SCN3A: variants seen among roughly 807,000 people sequenced by gnomAD.
SCN3A encodes the protein sodium channel protein type 3 subunit alpha.
SCN3A carries 60 observed loss-of-function variants against 187.6 expected under a neutral mutation model. That is an observed-to-expected ratio of 0.32 (90% CI 0.26 to 0.40). The LOEUF (loss-of-function observed/expected upper bound fraction) is 0.40, where lower values mean the gene tolerates loss of function less well. Ranked by LOEUF, SCN3A falls within the 10% of genes least tolerant of loss-of-function variation. The pLI is 1.00. For missense variants in SCN3A, 1,601 were observed against 2,428.2 expected, an observed-to-expected ratio of 0.66 and a Z score of 7.16; for synonymous variants, 788 against 829.2, an observed-to-expected ratio of 0.95 and a Z score of 0.85.
At chr2:165,164,849 T>C (rs1480982040) in intron 5 of SCN3A, among the ~76,000 whole-genome samples, 3 of 152,188 alleles carry the variant, frequency 2.0e-5, no homozygotes, top group Admixed American at 6.5e-5. Flanking sequence ...AAGCCACAAA[T>C]GTAATTTTCA....
chr2:165,114,871 C>G (rs774458585), intron 19 of SCN3A, among the ~76,000 whole-genome samples: 1 of 152,100 alleles, frequency 6.6e-6, no homozygotes, highest in Non-Finnish European at 1.5e-5. Context: ...GGGTCAGCTT[C>G]CTCACATTAT....
intron 5 of SCN3A, among the ~76,000 whole-genome samples, chr2:165,167,644 A>C (rs16850188): frequency 0.23 from 34,350 of 152,010 alleles, 5,077 homozygotes; most frequent in East Asian, 0.52. Context: ...TCTTTGATGC[A>C]AATAACCTCA....
Position 165,096,474 on chromosome 2 carries a change from G to T in SCN3A, c.4286C>A (p.Ser1429Ter). Reference sequence around the variant, plus strand: ...TATTTGAGTGATACTTACATCTCGTGAATCAACAGCTGCATACATAATATC... The same window carrying T: ...TATTTGAGTGATACTTACATCTCGTTAATCAACAGCTGCATACATAATATC... Reference protein sequence around the residue: ...WMDIMYAAVDSRDVKLQPVYE... With the variant: ...WMDIMYAAVD The change falls in exon 24 of 28, where the codon TCA becomes TAA. Residue 1429 changes from serine (S) to a stop codon, truncating the protein, a stop_gained. Coordinates refer to ENST00000283254, the MANE Select transcript of SCN3A (RefSeq NM_006922.4). LOFTEE classifies it high-confidence loss of function. 1 of 1,609,744 alleles carries T rather than the reference G, an allele frequency of 6.2e-7. No individual in the cohort carries two copies. Among genetic ancestry groups the T allele is most frequent in the South Asian group, 1.1e-5 (1 of 90,912 alleles).
At chr2:165,158,231 A>T (rs1435060086) in intron 9 of SCN3A, among the ~76,000 whole-genome samples, 1 of 140,298 alleles carries the variant, frequency 7.1e-6, no homozygotes, top group Non-Finnish European at 1.5e-5. Flanking sequence ...CAACTTTATC[A>T]ACTAGGGTAT....
chr2:165,185,953 T>C (rs1417667372), intron 2 of SCN3A, among the ~76,000 whole-genome samples: 1 of 152,030 alleles, frequency 6.6e-6, no homozygotes, highest in East Asian at 1.9e-4. Flanking sequence ...ACAGGATGAA[T>C]GTCTCTCTTA....
At position 165,155,962 on chromosome 2, in the gene SCN3A, T is replaced by A. The variant is rs1377782254; in HGVS notation, c.1032-59A>T. ...TAGAAATTACAGCAATTTCAATTTA[T>A]TTGACTTATAGGAATTTTCAAAACC... On this transcript the variant is annotated intron_variant, in intron 9 of 27. Coordinates refer to ENST00000283254, the MANE Select transcript of SCN3A (RefSeq NM_006922.4). The A allele has an allele frequency of 3.1e-6, 5 of 1,604,806 alleles. No homozygotes were observed. In the African/African-American group the frequency reaches 6.7e-5, roughly 21 times the overall value.
intron 18 of SCN3A, among the ~76,000 whole-genome samples, chr2:165,121,880 A>G (rs1686697325): frequency 6.6e-6 from 1 of 152,212 alleles, no homozygotes; most frequent in African/African-American, 2.4e-5. Context: ...CACAAAACTA[A>G]AATTAATAAT....
At chr2:165,190,290 G>A (rs1425105288) in intron 1 of SCN3A, among the ~76,000 whole-genome samples, 1 of 152,000 alleles carries the variant, frequency 6.6e-6, no homozygotes, top group Non-Finnish European at 1.5e-5. Flanking sequence ...CCTTCGTGGT[G>A]GTTCATGTTA....
At chr2:165,122,957 G>A (rs1470394354) in intron 18 of SCN3A, 1 of 152,106 alleles carries the variant, frequency 6.6e-6, no homozygotes, top group East Asian at 1.9e-4. Context: ...GCTAGATTGT[G>A]TTTGGAATTC....
intron 1 of SCN3A, among the ~76,000 whole-genome samples, chr2:165,196,474 G>A (rs1691968148): frequency 6.6e-6 from 1 of 152,062 alleles, no homozygotes; most frequent in Non-Finnish European, 1.5e-5. Flanking sequence ...ACTAAATGAT[G>A]ATCCTCTAGG....
intron 1 of SCN3A, among the ~76,000 whole-genome samples, chr2:165,202,058 A>G (rs1397483153): frequency 6.6e-6 from 1 of 152,056 alleles, no homozygotes; most frequent in African/African-American, 2.4e-5. Context: ...TTTTATCTTC[A>G]GTACTCAAAT....
chr2:165,181,072 T>A (rs934625663), intron 2 of SCN3A, among the ~76,000 whole-genome samples: 38 of 151,890 alleles, frequency 2.5e-4, no homozygotes, highest in Admixed American at 2.3e-3. Flanking sequence ...CAGAAAAAAA[T>A]TTAATGAGAA....
chr2:165,145,317 A>AG (rs1688249307), intron 12 of SCN3A, among the ~76,000 whole-genome samples: 1 of 152,024 alleles, frequency 6.6e-6, no homozygotes, highest in Non-Finnish European at 1.5e-5. Context: ...CTGTTTAAGA[A>AG]AAAAAAATCT....
In SCN3A at chr2:165,127,795, C is replaced by T. The variant is rs776824835; in HGVS notation, c.3229G>A (p.Gly1077Arg). The T allele has an allele frequency of 1.2e-6, 2 of 1,614,168 alleles. No individual in the cohort carries two copies. Among genetic ancestry groups the T allele is most frequent in the African/African-American group, 1.3e-5 (1 of 75,044 alleles). ...GNGTTSGVGT[G>R]SSVEKYVIDE... ...ATTACGTATTTTTCAACACTGCTTC[C>T]AGTACCTACACCACTGGTGGTTCCA... Residue 1077 changes from glycine to arginine, a missense_variant, in exon 18 of 28, where the codon GGA becomes AGA. Around this residue, in one of 11 missense-constraint regions of SCN3A, gnomAD observed 267 missense variants for 313.2 expected, o/e 0.85. Coordinates refer to ENST00000283254, the MANE Select transcript of SCN3A (RefSeq NM_006922.4).
In SCN3A at chr2:165,163,367, A is replaced by C. The variant is rs12620893; in HGVS notation, c.694+251T>G. Among the ~76,000 whole-genome samples, 386 of 152,222 alleles carry C rather than the reference A, an allele frequency of 2.5e-3. 3 individuals carry two copies. The East Asian group carries it at 0.042, about 16-fold the overall frequency. On this transcript the variant is annotated intron_variant, in intron 7 of 27. Transcript: ENST00000283254. ...ATGGTAGTGAAAAAGAGAGAGAGAG[A>C]GCGCAAGAGGCCCAAATTAGCATTT...
chr2:165,110,025 C>A (rs1686043476), intron 21 of SCN3A, among the ~76,000 whole-genome samples: 1 of 152,190 alleles, frequency 6.6e-6, no homozygotes. Context: ...GCACCCTCCC[C>A]CATGCACTCC....
intron 3 of SCN3A, among the ~76,000 whole-genome samples, chr2:165,171,362 G>A (rs960399172): frequency 6.6e-6 from 1 of 151,976 alleles, no homozygotes; most frequent in Non-Finnish European, 1.5e-5. Flanking sequence ...GCAACTGAAA[G>A]GTCATTTAAT....
At chr2:165,138,743 A>T (rs528987260) in intron 14 of SCN3A, among the ~76,000 whole-genome samples, 1 of 152,202 alleles carries the variant, frequency 6.6e-6, no homozygotes, top group Non-Finnish European at 1.5e-5. Flanking sequence ...TTATTATGTG[A>T]CTGTATATCT....
At chr2:165,188,681 G>A (rs1388279590) in intron 1 of SCN3A, among the ~76,000 whole-genome samples, 2 of 125,438 alleles carry the variant, frequency 1.6e-5, no homozygotes, top group Non-Finnish European at 3.4e-5. Flanking sequence ...CCAGGTACAG[G>A]TACTCAGGAG....
Sources: allele counts gnomAD v4.1 joint callset (sites outside exome capture counted in the v4.1 genomes callset), GRCh38; gene constraint gnomAD v4.1.1; regional missense constraint gnomAD v4.1.1; transcripts MANE v1.5; gene names NCBI Gene and HGNC (gene_info 2026-07-23, HGNC 2026-07-21).